Variants in ME3 observed in about 807,000 individuals in gnomAD.
ME3 encodes malic enzyme 3, also known as NADP-dependent malic enzyme, mitochondrial.
Under a neutral mutation model 68.9 loss-of-function variants are expected in ME3, and 48 were observed. That is an observed-to-expected ratio of 0.70 (90% confidence interval 0.55 to 0.89). ME3 has a LOEUF of 0.89. ME3 is among the 40% of genes least tolerant of loss of function. The probability of loss-of-function intolerance (pLI) is 0.00; values close to 1 mark genes in which losing one functional copy is unlikely to be tolerated. For missense variants in ME3, 675 were observed against 797.4 expected, an observed-to-expected ratio of 0.85 and a Z score of 1.85; for synonymous variants, 320 against 318.8, an observed-to-expected ratio of 1.00 and a Z score of -0.04.
chr11:86,568,933 G>C (rs768232298), intron 2 of ME3, among the ~76,000 whole-genome samples: 9 of 152,240 alleles, frequency 5.9e-5, no homozygotes, highest in Non-Finnish European at 1.3e-4. Flanking sequence ...AGACATGTGG[G>C]TTAACATACA....
intron 2 of ME3, among the ~76,000 whole-genome samples, chr11:86,595,739 G>C (rs546491813): frequency 7.2e-5 from 11 of 152,320 alleles, no homozygotes; most frequent in African/African-American, 2.6e-4. Context: ...AAGGGGAAAT[G>C]CTTCTGCATA....
intron 5 of ME3, among the ~76,000 whole-genome samples, chr11:86,501,845 A>G (rs1049410496): frequency 6.6e-6 from 1 of 152,136 alleles, no homozygotes; most frequent in African/African-American, 2.4e-5. Flanking sequence ...TATTATTGCT[A>G]CTGCCTCGGA....
chr11:86,492,614 T>G (rs931926134), intron 6 of ME3, among the ~76,000 whole-genome samples: 1 of 152,208 alleles, frequency 6.6e-6, no homozygotes, highest in East Asian at 1.9e-4. Context: ...TGGAACCAAG[T>G]AAGTCAATGA....
intron 2 of ME3, among the ~76,000 whole-genome samples, chr11:86,580,289 T>C (rs1328731027): frequency 6.6e-6 from 1 of 152,180 alleles, no homozygotes; most frequent in Non-Finnish European, 1.5e-5. Flanking sequence ...TCCAAATGCC[T>C]CAAAATAAAT....
chr11:86,530,745 G>C (rs1955153950), intron 4 of ME3, among the ~76,000 whole-genome samples: 1 of 152,102 alleles, frequency 6.6e-6, no homozygotes. Context: ...ACAAGAAATG[G>C]GGAAAGGATT....
Position 86,536,288 on chromosome 11 carries a change from A to T in ME3, c.467+20265T>A, listed in dbSNP as rs534859496. 1.8e-3 allele frequency among the ~76,000 whole-genome samples: 276 copies of T among 150,812 alleles called. 1 individual carries two copies. Among genetic ancestry groups the T allele is most frequent in the African/African-American group, 6.5e-3 (267 of 40,958 alleles). On this transcript the variant is annotated intron_variant, in intron 4 of 14. Coordinates refer to ENST00000543262, the Ensembl canonical transcript of ME3. ...ACAAAAGACAAAATTGACAAATGGG[A>T]TCTAATTAAACTAAAGAGCTTCTGC...
chr11:86,633,345 C>A (rs901718936), intron 2 of ME3, among the ~76,000 whole-genome samples: 1 of 152,166 alleles, frequency 6.6e-6, no homozygotes, highest in African/African-American at 2.4e-5. Flanking sequence ...CTATTATTAA[C>A]CCTATTTTGT....
intron 7 of ME3, among the ~76,000 whole-genome samples, chr11:86,469,188 TTCTC>T (rs2138771856): frequency 6.6e-6 from 1 of 152,314 alleles, no homozygotes; most frequent in Non-Finnish European, 1.5e-5. Flanking sequence ...TGAGTCCCCT[TTCTC>T]TGTCTGGGTC....
chr11:86,644,031 T>C (rs1262121303), intron 2 of ME3, among the ~76,000 whole-genome samples: 2 of 152,164 alleles, frequency 1.3e-5, no homozygotes, highest in Non-Finnish European at 2.9e-5. Flanking sequence ...TTTCCTTTTA[T>C]TATGAAGAAT....
intron 2 of ME3, among the ~76,000 whole-genome samples, chr11:86,627,088 A>G (rs1168908649): frequency 5.3e-5 from 8 of 152,234 alleles, no homozygotes; most frequent in African/African-American, 1.9e-4. Flanking sequence ...GGCTCACTTA[A>G]GAACTGCTGT....
intron 4 of ME3, among the ~76,000 whole-genome samples, chr11:86,525,619 C>A (rs1308780020): frequency 6.6e-6 from 1 of 152,018 alleles, no homozygotes; most frequent in Admixed American, 6.5e-5. Flanking sequence ...TCCCAGCACT[C>A]TGGGAGGCCA....
intron 4 of ME3, among the ~76,000 whole-genome samples, chr11:86,509,171 C>T (rs910949504): frequency 2.6e-5 from 4 of 152,134 alleles, no homozygotes; most frequent in Admixed American, 2.6e-4. Context: ...ATTCCCTGAC[C>T]AAATGACCCC....
intron 2 of ME3, among the ~76,000 whole-genome samples, chr11:86,670,965 G>A (rs546622923): frequency 6.6e-6 from 1 of 152,218 alleles, no homozygotes; most frequent in Non-Finnish European, 1.5e-5. Context: ...GGAGGTAGGG[G>A]GAGACAGGAC....
rs148345604 is a variant in ME3, at chr11:86,667,162, G to A, written c.183+4600C>T. Among the ~76,000 whole-genome samples, 592 of 152,298 alleles carry A rather than the reference G, an allele frequency of 3.9e-3. 4 individuals carry two copies. The highest frequency in any genetic ancestry group is 0.013 in the African/African-American group (561 of 41,574). The stretch of plus-strand genomic sequence containing the variant: ...CTTGCAGTCTCTGAGGCCCCACTAC[G>A]TGAAATGTCCTGGTCCATAATCACA... On this transcript the variant is annotated intron_variant, in intron 2 of 14. Coordinates refer to ENST00000543262, the Ensembl canonical transcript of ME3.
intron 7 of ME3, among the ~76,000 whole-genome samples, chr11:86,475,870 TATATAGAGAG>T (rs1238200935): frequency 1.9e-5 from 2 of 106,506 alleles, no homozygotes; most frequent in African/African-American, 4.0e-5. Context: ...TATATATATA[TATATAGAGAG>T]AGAGAGAGAG....
intron 2 of ME3, among the ~76,000 whole-genome samples, chr11:86,592,687 A>G (rs143745356): frequency 1.4e-3 from 207 of 152,334 alleles, no homozygotes; most frequent in African/African-American, 3.8e-3. Context: ...TAAGCCAGCA[A>G]CAAAGGAGCA....
At chr11:86,632,949 C>T (rs1944108342) in intron 2 of ME3, among the ~76,000 whole-genome samples, 1 of 152,232 alleles carries the variant, frequency 6.6e-6, no homozygotes, top group Non-Finnish European at 1.5e-5. Flanking sequence ...TCAGCCACCA[C>T]AGCTGGATGG....
intron 2 of ME3, among the ~76,000 whole-genome samples, chr11:86,593,768 T>TC (rs1051692838): frequency 6.8e-6 from 1 of 146,462 alleles, no homozygotes; most frequent in Non-Finnish European, 1.5e-5. Context: ...TAGTCTTTTT[T>TC]CCCCACTAAA....
chr11:86,457,606 T>C, intron 8 of ME3: 1 of 1,233,542 alleles, frequency 8.1e-7, no homozygotes, highest in Non-Finnish European at 1.0e-6. Context: ...TTTGGGGTGC[T>C]CTTGGGCTAT....
Sources: allele counts gnomAD v4.1 joint callset (sites outside exome capture counted in the v4.1 genomes callset), GRCh38; gene constraint gnomAD v4.1.1; transcripts MANE v1.5; gene names NCBI Gene and HGNC (gene_info 2026-07-23, HGNC 2026-07-21).